NXN: variants seen among roughly 807,000 people sequenced by gnomAD.
NXN encodes the protein nucleoredoxin 1.
In NXN, 16 loss-of-function variants were observed where a neutral mutation model predicts 48.6. That is an observed-to-expected ratio of 0.33 (90% CI 0.22 to 0.50). The LOEUF (loss-of-function observed/expected upper bound fraction) is 0.50, where lower values mean the gene tolerates loss of function less well. Among genes scored for constraint, NXN ranks in the 20% least tolerant of loss-of-function variants. The pLI, the probability that NXN is intolerant of heterozygous loss-of-function variation, is 0.98. For synonymous variants in NXN, 281 were observed against 269.6 expected (o/e 1.04, Z -0.41); for missense variants, 492 against 605.5 (o/e 0.81, Z 1.97).
intron 1 of NXN, among the ~76,000 whole-genome samples, chr17:840,563 T>C (rs921318423): frequency 6.6e-6 from 1 of 152,102 alleles, no homozygotes; most frequent in African/African-American, 2.4e-5. Context: ...ATGGTCTTGA[T>C]CTCCTGACCT....
chr17:891,973 A>G (rs1231364545), intron 1 of NXN, among the ~76,000 whole-genome samples: 56 of 100,382 alleles, frequency 5.6e-4, no homozygotes, highest in Admixed American at 1.1e-3. Context: ...CAACCCAACA[A>G]GGAACTAAGC....
intron 1 of NXN, among the ~76,000 whole-genome samples, chr17:965,349 C>T (rs1044753309): frequency 5.3e-5 from 8 of 152,160 alleles, no homozygotes; most frequent in African/African-American, 1.4e-4. Context: ...ACAGACCTTC[C>T]GGCTTACTTT....
chr17:876,417 C>T (rs1230051188), intron 1 of NXN, among the ~76,000 whole-genome samples: 2 of 152,144 alleles, frequency 1.3e-5, no homozygotes, highest in African/African-American at 4.8e-5. Context: ...ACACAGGCTA[C>T]GACGTACAGG....
At chr17:893,235 G>A (rs2068442317) in intron 1 of NXN, among the ~76,000 whole-genome samples, 1 of 152,208 alleles carries the variant, frequency 6.6e-6, no homozygotes, top group South Asian at 2.1e-4. Context: ...CCTGGACAGA[G>A]ACTGGAAAAG....
At chr17:939,434 C>T (rs2068944948) in intron 1 of NXN, among the ~76,000 whole-genome samples, 1 of 150,858 alleles carries the variant, frequency 6.6e-6, no homozygotes, top group Non-Finnish European at 1.5e-5. Flanking sequence ...CAATCTCTGC[C>T]TCGCAGGTTC....
chr17:896,812 T>C (rs1252582466), intron 1 of NXN: 37 of 1,122,778 alleles, frequency 3.3e-5, no homozygotes, highest in Non-Finnish European at 4.1e-5. Context: ...CACTTGAACC[T>C]CTGCAGATCT....
At chr17:846,367 A>C (rs2067860465) in intron 1 of NXN, among the ~76,000 whole-genome samples, 1 of 150,718 alleles carries the variant, frequency 6.6e-6, no homozygotes, top group Non-Finnish European at 1.5e-5. Context: ...CAGTGAGCCA[A>C]GATCGTGCCA....
chr17:863,113 G>C (rs1418058112), intron 1 of NXN, among the ~76,000 whole-genome samples: 2 of 152,068 alleles, frequency 1.3e-5, no homozygotes, highest in Non-Finnish European at 2.9e-5. Flanking sequence ...AGCAGAGCCT[G>C]AGTGTAGGAA....
chr17:917,205 G>A lies in NXN; in HGVS notation c.360+62114C>T, dbSNP rs936929032. 7.9e-5 allele frequency among the ~76,000 whole-genome samples: 12 copies of A among 151,118 alleles called. No individual in the cohort carries two copies. The highest frequency in any genetic ancestry group is 2.1e-4 in the South Asian group (1 of 4,782). On this transcript the variant is annotated intron_variant, in intron 1 of 7. Transcript: ENST00000336868. The surrounding 1 kb of genome is among the most constrained non-coding windows in gnomAD (Gnocchi z 4.5). ...AGCCCAGGCTGGAGTGCAATGGCGC[G>A]ACCTCGGCTCGCCGTGGCCTCCGCC...
chr17:958,834 A>G lies in NXN; in HGVS notation c.360+20485T>C, dbSNP rs1169357037. The stretch of plus-strand genomic sequence containing the variant: ...GTAGTCTCAGCTTCTCAGGGGGCTG[A>G]GGTGGGAGGATCGCTTGAGCCCAGG... On this transcript the variant is annotated intron_variant, in intron 1 of 7. Coordinates refer to ENST00000336868, the MANE Select transcript of NXN (RefSeq NM_022463.5). This position sits in a 1 kb window ranked among gnomAD's most constrained non-coding sequence, Gnocchi z 6.9. Among the ~76,000 whole-genome samples the G allele has an allele frequency of 1.3e-5, 2 of 152,028 alleles. No homozygotes were observed. The highest frequency in any genetic ancestry group is 1.3e-4 in the Admixed American group (2 of 15,252).
intron 1 of NXN, among the ~76,000 whole-genome samples, chr17:975,672 G>GT (rs2069449563): frequency 6.6e-6 from 1 of 152,234 alleles, no homozygotes. Context: ...ACCCTTGGAT[G>GT]TCAGTGCACC....
intron 1 of NXN, among the ~76,000 whole-genome samples, chr17:931,914 C>CG (rs1160304974): frequency 1.4e-5 from 2 of 147,312 alleles, no homozygotes; most frequent in Admixed American, 6.7e-5. Context: ...GAGGCCGAGG[C>CG]GGGGGGATCA....
Position 832,992 on chromosome 17 carries a change from A to C in NXN, c.361-6914T>G, listed in dbSNP as rs537827152. Among the ~76,000 whole-genome samples, 518 of 151,992 alleles carry C rather than the reference A, an allele frequency of 3.4e-3. 3 individuals carry two copies. The highest frequency in any genetic ancestry group is 0.011 in the African/African-American group (476 of 41,496). ...TGCAAGCTCCGCCTCCTGGGTTCAC[A>C]CCATTCTCCTGCCTCAGCCTCCCGA... On this transcript the variant is annotated intron_variant, in intron 1 of 7. Coordinates refer to ENST00000336868, the MANE Select transcript of NXN (RefSeq NM_022463.5).
At chr17:805,713 C>CTGTAG (rs1164781931) in intron 5 of NXN, among the ~76,000 whole-genome samples, 1 of 152,132 alleles carries the variant, frequency 6.6e-6, no homozygotes, top group Non-Finnish European at 1.5e-5. Flanking sequence ...TGGCGGGCGC[C>CTGTAG]TGTAGTCCCA....
At chr17:938,296 G>A (rs1396177097) in intron 1 of NXN, among the ~76,000 whole-genome samples, 1 of 152,258 alleles carries the variant, frequency 6.6e-6, no homozygotes, top group Non-Finnish European at 1.5e-5. Context: ...GTTAGATCTA[G>A]AGCAGGCGGC....
chr17:853,879 A>G (rs1257662915), intron 1 of NXN, among the ~76,000 whole-genome samples: 2 of 151,644 alleles, frequency 1.3e-5, no homozygotes, highest in Non-Finnish European at 2.9e-5. Flanking sequence ...ACCCGCCACC[A>G]CACGGCTAAG....
chr17:954,332 G>A (rs1048486924), intron 1 of NXN, among the ~76,000 whole-genome samples: 1 of 151,824 alleles, frequency 6.6e-6, no homozygotes, highest in East Asian at 1.9e-4. Context: ...AGTGAGCCGA[G>A]ATCGCACCAT....
At chr17:810,687 G>C (rs1285320241) in intron 5 of NXN, among the ~76,000 whole-genome samples, 3 of 152,092 alleles carry the variant, frequency 2.0e-5, no homozygotes, top group South Asian at 4.1e-4. Flanking sequence ...GTCAGGAGGT[G>C]GAGACCAGCC....
intron 1 of NXN, 106 bp downstream of exon 1, chr17:979,213 G>A (rs559182549): frequency 3.7e-6 from 2 of 543,538 alleles, no homozygotes; most frequent in East Asian, 1.8e-4. Flanking sequence ...AGGGCGGGCA[G>A]GGGGACAACG....
Sources: allele counts gnomAD v4.1 joint callset (sites outside exome capture counted in the v4.1 genomes callset), GRCh38; gene constraint gnomAD v4.1.1; non-coding constraint Gnocchi (gnomAD v3.1); transcripts MANE v1.5; gene names NCBI Gene and HGNC (gene_info 2026-07-23, HGNC 2026-07-21).